Variants in SLC12A2 observed in about 807,000 individuals in gnomAD.
SLC12A2 encodes solute carrier family 12 member 2, also known as Na-K-2Cl cotransporter 1.
A neutral mutation model predicts 136.3 loss-of-function variants in SLC12A2; 67 were observed. The observed-to-expected ratio is 0.49, with a 90% CI of 0.40 to 0.60. SLC12A2 has a LOEUF of 0.60. Among genes scored for constraint, SLC12A2 ranks in the 20% least tolerant of loss-of-function variants. The pLI is 0.00. For synonymous variants in SLC12A2, 619 were observed against 562.9 expected (o/e 1.10, Z -1.41); for missense variants, 1,322 against 1,534.7 (o/e 0.86, Z 2.32).
chr5:128,137,938 CTTTTT>C (rs775118655), intron 7 of SLC12A2, among the ~76,000 whole-genome samples: 1 of 141,870 alleles, frequency 7.0e-6, no homozygotes, highest in Non-Finnish European at 1.5e-5. Flanking sequence ...TTTTGTTTTC[CTTTTT>C]TTTTTTTTTC....
chr5:128,127,321 C>T (rs1449123693), intron 4 of SLC12A2, among the ~76,000 whole-genome samples: 6 of 151,778 alleles, frequency 4.0e-5, no homozygotes, highest in Non-Finnish European at 8.8e-5. Context: ...CGGGGTTTCA[C>T]CGTATTAGCC....
At chr5:128,174,519 T>C (rs751980990) in intron 19 of SLC12A2, 22 bp from the exon 20 acceptor site, 11 of 1,564,092 alleles carry the variant, frequency 7.0e-6, no homozygotes, top group Non-Finnish European at 2.6e-6. Context: ...AGATACTATT[T>C]TAAATAATTT....
At chr5:128,126,966 A>ATATATATATATATATATATATATATTTTT in intron 4 of SLC12A2, among the ~76,000 whole-genome samples, 1 of 21,158 alleles carries the variant, frequency 4.7e-5, no homozygotes, top group African/African-American at 2.5e-4. Flanking sequence ...ATATATATAT[A>ATATATATATATATATATATATATATTTTT]TTTTTTTTTT....
At chr5:128,093,936 A>G (rs1048543069) in intron 1 of SLC12A2, among the ~76,000 whole-genome samples, 27 of 152,074 alleles carry the variant, frequency 1.8e-4, no homozygotes, top group African/African-American at 6.5e-4. Context: ...TCAGTGGCAC[A>G]ATAATTCTTT....
At chr5:128,122,044 CTG>C (rs764410319) in intron 4 of SLC12A2, among the ~76,000 whole-genome samples, 42 of 152,182 alleles carry the variant, frequency 2.8e-4, no homozygotes, top group Non-Finnish European at 2.4e-4. Flanking sequence ...AAGATGAAGA[CTG>C]TAAATTCTTG....
chr5:128,155,795 G>A (rs1463323007), intron 15 of SLC12A2, among the ~76,000 whole-genome samples: 1 of 152,132 alleles, frequency 6.6e-6, no homozygotes, highest in Non-Finnish European at 1.5e-5. Context: ...CTGGTTCTTT[G>A]AGGAATGTGA....
chr5:128,143,965 A>G (rs1762449257), intron 10 of SLC12A2, among the ~76,000 whole-genome samples: 1 of 151,266 alleles, frequency 6.6e-6, no homozygotes. Context: ...AACTGACTGT[A>G]CTTTCAGTGG....
intron 4 of SLC12A2, among the ~76,000 whole-genome samples, chr5:128,128,760 C>G (rs1029329465): frequency 6.7e-6 from 1 of 149,238 alleles, no homozygotes; most frequent in African/African-American, 2.5e-5. Context: ...CTAGTCTGTG[C>G]TGATTAGTAA....
intron 17 of SLC12A2, among the ~76,000 whole-genome samples, chr5:128,165,588 A>G (rs1425419757): frequency 1.3e-5 from 2 of 152,208 alleles, no homozygotes; most frequent in Non-Finnish European, 2.9e-5. Context: ...ACATATTGTT[A>G]TTTGGACACT....
intron 17 of SLC12A2, among the ~76,000 whole-genome samples, chr5:128,162,055 T>G (rs1763057135): frequency 6.6e-6 from 1 of 152,138 alleles, no homozygotes; most frequent in African/African-American, 2.4e-5. Flanking sequence ...CTGTGTTAAT[T>G]GTGTAATTGT....
rs547720411 is a variant in SLC12A2 at position 128,131,326 on chromosome 5, A to G, written c.1188+120A>G. ...GATGACCAAGAGATTCGTCCTTCAT[A>G]AAGTTTACTACAGGAGATAGGCAAA... On this transcript the variant is annotated intron_variant, in intron 5 of 26. Coordinates refer to ENST00000262461, the MANE Select transcript of SLC12A2 (RefSeq NM_001046.3). 72 of 1,011,396 alleles carry G rather than the reference A, an allele frequency of 7.1e-5. No individual in the cohort carries two copies. The African/African-American group carries it at 9.4e-4, about 13-fold the overall frequency. The allele number at this position is 1,011,396 out of a possible 1,614,324, so 62.7% of individuals were successfully genotyped here.
rs1759939441 is a variant in SLC12A2 at position 128,084,083 on chromosome 5, G to A, written c.129G>A (p.Pro43=). 1.5e-6 allele frequency: 2 copies of A among 1,317,116 alleles called. No individual in the cohort carries two copies. The allele number at this position is 1,317,116 out of a possible 1,614,324, so 81.6% of individuals were successfully genotyped here. ...CCGGCACGGCTGTGCCCTCGGTGCC[G>A]GAGGATGCTGCGCCCGCGAGCCGGG... ...ELPGTAVPSV[P]EDAAPASRDG... The change falls in exon 1 of 27, where the codon CCG becomes CCA. Residue 43 remains proline, a synonymous_variant. Coordinates refer to ENST00000262461, the MANE Select transcript of SLC12A2 (RefSeq NM_001046.3). This position sits in a 1 kb window ranked among gnomAD's most constrained non-coding sequence, Gnocchi z 5.6.
In SLC12A2 at chr5:128,180,827, T is replaced by C. The variant is rs969976480; in HGVS notation, c.3101-56T>C. 8.0e-6 allele frequency: 8 copies of C among 1,004,820 alleles called. No individual in the cohort carries two copies. The African/African-American group carries it at 1.3e-4, about 16-fold the overall frequency. 62.2% of individuals were successfully genotyped at this position (1,004,820 alleles called of 1,614,324 possible). A position where few individuals can be genotyped will look rare whatever the true frequency, so the allele number is the denominator to read the frequency against. ...CATGTTTTTCGAGACTAAATTGATG[T>C]TCCTGATTAAGAAATTTGCATTTAG... On this transcript the variant is annotated intron_variant, in intron 22 of 26. Coordinates refer to ENST00000262461, the MANE Select transcript of SLC12A2 (RefSeq NM_001046.3).
At chr5:128,152,109 A>G (rs945790121) in intron 14 of SLC12A2, among the ~76,000 whole-genome samples, 5 of 152,200 alleles carry the variant, frequency 3.3e-5, no homozygotes, top group South Asian at 2.1e-4. Context: ...AGTAGTTTCA[A>G]TATAGTAGTT....
At chr5:128,094,145 T>C (rs1434559366) in intron 1 of SLC12A2, among the ~76,000 whole-genome samples, 2 of 151,690 alleles carry the variant, frequency 1.3e-5, no homozygotes, top group Non-Finnish European at 2.9e-5. Context: ...TCTATTAACA[T>C]GGTTGCTTGA....
chr5:128,085,826 A>G (rs1760081838), intron 1 of SLC12A2, among the ~76,000 whole-genome samples: 1 of 152,208 alleles, frequency 6.6e-6, no homozygotes, highest in Admixed American at 6.5e-5. Flanking sequence ...TGTAACATTC[A>G]CACAGAGGTA....
At chr5:128,110,059 A>G in intron 1 of SLC12A2, 1 of 992,042 alleles carries the variant, frequency 1.0e-6, no homozygotes. Context: ...CTGTGTCACT[A>G]CACCTTAAAA....
chr5:128,114,786 A>G (rs1761286848), intron 4 of SLC12A2, 105 bp downstream of exon 4: 2 of 700,380 alleles, frequency 2.9e-6, no homozygotes, highest in Non-Finnish European at 4.8e-6. Context: ...CAACATATTA[A>G]GTCTATATAG....
intron 17 of SLC12A2, among the ~76,000 whole-genome samples, chr5:128,162,198 G>C (rs1352938637): frequency 6.6e-6 from 1 of 152,102 alleles, no homozygotes; most frequent in East Asian, 1.9e-4. Context: ...AAGGGACAAG[G>C]TAGGCTTGCT....
Sources: allele counts gnomAD v4.1 joint callset (sites outside exome capture counted in the v4.1 genomes callset), GRCh38; gene constraint gnomAD v4.1.1; non-coding constraint Gnocchi (gnomAD v3.1); transcripts MANE v1.5; gene names NCBI Gene and HGNC (gene_info 2026-07-23, HGNC 2026-07-21).